The following GRM4 variants were observed in gnomAD, a reference collection of about 807,000 sequenced individuals.
The protein encoded by GRM4 is glutamate metabotropic receptor 4, also known as metabotropic glutamate receptor 4.
A neutral mutation model predicts 81.7 loss-of-function variants in GRM4; 28 were observed. The ratio of observed to expected loss-of-function variants is 0.34; its 90% CI spans 0.25 to 0.47. The LOEUF is 0.47. Ranked by LOEUF, GRM4 falls within the 20% of genes least tolerant of loss-of-function variation. The pLI is 1.00. For synonymous variants in GRM4, 488 were observed against 528.8 expected, an observed-to-expected ratio of 0.92 and a Z score of 1.06; for missense variants, 948 against 1,290.0, an observed-to-expected ratio of 0.73 and a Z score of 4.06.
intron 1 of GRM4, among the ~76,000 whole-genome samples, chr6:34,144,195 G>C (rs1770820960): frequency 6.6e-6 from 1 of 152,218 alleles, no homozygotes; most frequent in Non-Finnish European, 1.5e-5. Context: ...CGCCGATGCT[G>C]CTGCCCCATC....
intron 3 of GRM4, among the ~76,000 whole-genome samples, chr6:34,081,703 TGTA>T (rs1238105488): frequency 1.3e-5 from 2 of 151,914 alleles, no homozygotes; most frequent in Non-Finnish European, 2.9e-5. Context: ...GGTGGGCCCA[TGTA>T]GGCCTGAGGT....
intron 1 of GRM4, among the ~76,000 whole-genome samples, chr6:34,151,629 A>C (rs2127521614): frequency 6.6e-6 from 1 of 152,188 alleles, no homozygotes; most frequent in East Asian, 1.9e-4. Context: ...CCCTGGGAGG[A>C]GACCTGCAGG....
intron 8 of GRM4, among the ~76,000 whole-genome samples, chr6:34,038,888 G>A (rs143110578): frequency 6.6e-6 from 1 of 152,330 alleles, no homozygotes; most frequent in East Asian, 1.9e-4. Flanking sequence ...CTGGAAAATG[G>A]GGATAACTGC....
In GRM4 at chr6:34,078,491, G is replaced by A. The variant is rs11965623; in HGVS notation, c.736+13392C>T. On this transcript the variant is annotated intron_variant, in intron 3 of 10. Coordinates refer to ENST00000538487, the MANE Select transcript of GRM4 (RefSeq NM_000841.4). This position sits in a 1 kb window ranked among gnomAD's most constrained non-coding sequence, Gnocchi z 4.8. ...TCCACACCTTCCCTTCTTCCACCCC[G>A]TCTTCTTCCCCACCTCCACCTTTCT... Among the ~76,000 whole-genome samples the A allele has an allele frequency of 0.093, 14,199 of 152,056 alleles. 990 individuals carry two copies. The highest frequency in any genetic ancestry group is 0.2 in the African/African-American group (8,276 of 41,424).
intron 2 of GRM4, among the ~76,000 whole-genome samples, chr6:34,109,234 CT>C (rs1035538848): frequency 6.6e-6 from 1 of 152,250 alleles, no homozygotes; most frequent in African/African-American, 2.4e-5. Context: ...CTGGCTCCCC[CT>C]GTCCAGGTTC....
At chr6:34,023,450 C>T (rs993664523) in intron 10 of GRM4, among the ~76,000 whole-genome samples, 1 of 152,044 alleles carries the variant, frequency 6.6e-6, no homozygotes, top group African/African-American at 2.4e-5. Flanking sequence ...TAATGAAAAC[C>T]AGAGTGGGGC....
chr6:34,044,251 G>T (rs558512852), intron 6 of GRM4, among the ~76,000 whole-genome samples: 6 of 123,444 alleles, frequency 4.9e-5, no homozygotes, highest in Non-Finnish European at 1.0e-4. Flanking sequence ...CACACACAGA[G>T]ACATACATAC....
chr6:34,110,309 C>A (rs868022584), intron 2 of GRM4, among the ~76,000 whole-genome samples: 63 of 78,940 alleles, frequency 8.0e-4, no homozygotes, highest in South Asian at 2.0e-3. Context: ...CAACACCCAC[C>A]AAAAAAAAAA....
At position 34,136,154 on chromosome 6, in the gene GRM4, T is replaced by G. The variant is rs1173516531; in HGVS notation, c.-363-2295A>C. ...GCTTTACCTACATTTTCTCATGTAATCCCCACATCCCTATGAGCTTCATGG... is the reference window on the plus strand; with the variant it reads ...GCTTTACCTACATTTTCTCATGTAAGCCCCACATCCCTATGAGCTTCATGG... On this transcript the variant is annotated intron_variant, in intron 1 of 10. Coordinates refer to ENST00000538487, the MANE Select transcript of GRM4 (RefSeq NM_000841.4). This position sits in a 1 kb window ranked among gnomAD's most constrained non-coding sequence, Gnocchi z 4.1. 1.3e-5 allele frequency among the ~76,000 whole-genome samples: 2 copies of G among 152,180 alleles called. No homozygotes were observed. The highest frequency in any genetic ancestry group is 4.8e-5 in the African/African-American group (2 of 41,442).
chr6:34,057,972 G>A lies in GRM4; in HGVS notation c.1027+1002C>T, dbSNP rs1765992513. Among the ~76,000 whole-genome samples the A allele has an allele frequency of 3.3e-5, 5 of 152,180 alleles. No homozygotes were observed. In the South Asian group the frequency reaches 8.3e-4, roughly 25 times the overall value. On this transcript the variant is annotated intron_variant, in intron 5 of 10. Coordinates refer to ENST00000538487, the MANE Select transcript of GRM4 (RefSeq NM_000841.4). ...GCTATGTGTGTGTGGTGGGTGGGTG[G>A]AGGCGTGTTGAATGTGTGATGGGGT... is the stretch of plus-strand genomic sequence containing the variant.
chr6:34,143,900 C>T (rs1770807662), intron 1 of GRM4, among the ~76,000 whole-genome samples: 2 of 152,372 alleles, frequency 1.3e-5, no homozygotes, highest in Admixed American at 6.5e-5. Flanking sequence ...TGGGAACATA[C>T]ATGCCCCTCC....
chr6:34,058,607 G>T (rs2127460224), intron 5 of GRM4, among the ~76,000 whole-genome samples: 1 of 152,230 alleles, frequency 6.6e-6, no homozygotes, highest in Middle Eastern at 3.4e-3. Context: ...GGTGAGGCAG[G>T]CCCAACCTCA....
In GRM4 at chr6:34,080,928, G is replaced by A. The variant is rs559425046; in HGVS notation, c.736+10955C>T. Among the ~76,000 whole-genome samples, 10 of 151,854 alleles carry A rather than the reference G, an allele frequency of 6.6e-5. No individual in the cohort carries two copies. The South Asian group carries it at 1.5e-3, about 22-fold the overall frequency. On this transcript the variant is annotated intron_variant, in intron 3 of 10. Transcript: ENST00000538487. This position sits in a 1 kb window ranked among gnomAD's most constrained non-coding sequence, Gnocchi z 5.4. ...CCAAGGTCTTCCAAGCCTCAGACCA[G>A]GTGGCGAAACCAGGGACCCTTTGAG...
chr6:34,152,699 T>C lies in GRM4; in HGVS notation c.312+2380A>G, dbSNP rs928220768. 2.6e-5 allele frequency among the ~76,000 whole-genome samples: 4 copies of C among 152,174 alleles called. No individual in the cohort carries two copies. The highest frequency in any genetic ancestry group is 2.1e-4 in the South Asian group (1 of 4,826). ...TTTAATGGCGTTTGATTGGATCCGA[T>C]GCGCTTTTAATTCCCTCCTGGGACA... On this transcript the variant is annotated intron_variant, in intron 1 of 8. Transcript: ENST00000374177. The surrounding 1 kb of genome is among the most constrained non-coding windows in gnomAD (Gnocchi z 4.1).
At chr6:34,120,263 C>T (rs1769757329) in intron 2 of GRM4, among the ~76,000 whole-genome samples, 1 of 152,098 alleles carries the variant, frequency 6.6e-6, no homozygotes, top group Admixed American at 6.5e-5. Flanking sequence ...CACACTCTTT[C>T]CCTCCACGAG....
chr6:34,060,253 T>G (rs1766114101), intron 4 of GRM4: 1 of 152,038 alleles, frequency 6.6e-6, no homozygotes, highest in South Asian at 2.1e-4. Context: ...CCCCGCACCC[T>G]AGGTCACCAC....
chr6:34,140,588 T>C (rs1263810935), intron 1 of GRM4, among the ~76,000 whole-genome samples: 2 of 152,126 alleles, frequency 1.3e-5, no homozygotes, highest in Non-Finnish European at 2.9e-5. Context: ...TACCCCACCC[T>C]GACCTTCCTC....
chr6:34,058,986 T>A lies in GRM4; in HGVS notation c.1015A>T (p.Met339Leu). The A allele has an allele frequency of 1.2e-6, 2 of 1,612,926 alleles. No individual in the cohort carries two copies. Among genetic ancestry groups the A allele is most frequent in the Non-Finnish European group, 1.7e-6 (2 of 1,179,882 alleles). ...EGAVTILPKRMSVRGFDRYFS... is the reference protein window; with the variant it reads ...EGAVTILPKRLSVRGFDRYFS... ...CGCCCAGCCTTACCTCGTACGGACA[T>A]CCTCTTGGGGAGGATCGTGACAGCA... Residue 339 changes from methionine to leucine, a missense_variant, in exon 5 of 11, where the codon ATG becomes TTG. Transcript: ENST00000538487.
intron 2 of GRM4, among the ~76,000 whole-genome samples, chr6:34,117,663 A>G (rs1165896044): frequency 6.6e-6 from 1 of 152,066 alleles, no homozygotes; most frequent in Non-Finnish European, 1.5e-5. Context: ...CACCTGGGAC[A>G]CCTGGCTGCC....
Sources: gnomAD v4.1 joint callset for allele counts (sites outside exome capture counted in the v4.1 genomes callset) on GRCh38, gnomAD v4.1.1 for gene constraint, Gnocchi (gnomAD v3.1) non-coding constraint, MANE v1.5 for transcripts, NCBI Gene and HGNC (gene_info 2026-07-23, HGNC 2026-07-21) for gene names.